The following VDR variants were observed in gnomAD, a reference collection of about 807,000 sequenced individuals.
The protein encoded by VDR is vitamin D3 receptor.
In VDR, 19 loss-of-function variants were observed where a neutral mutation model predicts 39.7. That is an observed-to-expected ratio of 0.48 (90% CI 0.33 to 0.70). The LOEUF is 0.70. Among genes scored for constraint, VDR ranks in the 30% least tolerant of loss-of-function variants. The pLI, the probability that VDR is intolerant of heterozygous loss-of-function variation, is 0.02. For synonymous variants in VDR, 242 were observed against 215.8 expected (o/e 1.12, Z -1.07); for missense variants, 442 against 570.5 (o/e 0.77, Z 2.29).
In VDR at chr12:47,891,172, C is replaced by G. The variant is rs139522646; in HGVS notation, c.-83-8398G>C. On this transcript the variant is annotated intron_variant, in intron 1 of 9. Transcript: ENST00000549336. ...CCTTGCCTTTGTCCAGCTACCTGGG[C>G]CAGCCTGATGCCCCTGGCCACCTGA... Among the ~76,000 whole-genome samples the G allele has an allele frequency of 2.0e-5, 3 of 152,300 alleles. No homozygotes were observed. In the East Asian group the frequency reaches 5.8e-4, roughly 29 times the overall value.
At chr12:47,882,148 C>T (rs543098778) in intron 2 of VDR, among the ~76,000 whole-genome samples, 30 of 152,204 alleles carry the variant, frequency 2.0e-4, no homozygotes, top group Non-Finnish European at 3.7e-4. Flanking sequence ...GGGTGGGGTG[C>T]TGCCTTGACA....
At chr12:47,870,611 C>T (rs1234627261) in intron 3 of VDR, among the ~76,000 whole-genome samples, 2 of 152,162 alleles carry the variant, frequency 1.3e-5, no homozygotes, top group African/African-American at 4.8e-5. Flanking sequence ...CTCACAAAAG[C>T]ATCAAGAGCC....
intron 9 of VDR, 21 bp downstream of exon 9, chr12:47,846,311 GCTC>G: frequency 5.0e-6 from 8 of 1,600,272 alleles, no homozygotes; most frequent in Non-Finnish European, 6.8e-6. Context: ...AGGTCCCTGA[GCTC>G]CTCCCTGCCT....
At chr12:47,847,722 G>A (rs986157808) in intron 7 of VDR, among the ~76,000 whole-genome samples, 3 of 151,736 alleles carry the variant, frequency 2.0e-5, no homozygotes, top group African/African-American at 4.8e-5. Flanking sequence ...ACAAGCATGC[G>A]CCACCATGCT....
At chr12:47,898,963 C>T (rs1946511654) in intron 1 of VDR, among the ~76,000 whole-genome samples, 1 of 152,132 alleles carries the variant, frequency 6.6e-6, no homozygotes, top group South Asian at 2.1e-4. Context: ...TGTGAATGCT[C>T]CACTCTTAAC....
chr12:47,846,850 G>C, intron 7 of VDR, 42 bp from the exon 8 acceptor site: 1 of 1,610,902 alleles, frequency 6.2e-7, no homozygotes, highest in Non-Finnish European at 8.5e-7. Flanking sequence ...ACCAGTAAAC[G>C]CCTTCAAGCC....
chr12:47,902,629 A>G (rs957010236), intron 1 of VDR, among the ~76,000 whole-genome samples: 2 of 152,168 alleles, frequency 1.3e-5, no homozygotes, highest in Admixed American at 6.5e-5. Flanking sequence ...TTATTCAGCA[A>G]CACACCAAAT....
chr12:47,899,468 G>T (rs1946520578), intron 1 of VDR, among the ~76,000 whole-genome samples: 1 of 152,228 alleles, frequency 6.6e-6, no homozygotes. Flanking sequence ...GATTTGGACA[G>T]ATTAAATAAC....
chr12:47,892,778 GGT>G (rs1188801355), intron 1 of VDR, among the ~76,000 whole-genome samples: 1 of 152,210 alleles, frequency 6.6e-6, no homozygotes, highest in Non-Finnish European at 1.5e-5. Context: ...CTACGATCCA[GGT>G]AAGTGCCAGG....
intron 2 of VDR, among the ~76,000 whole-genome samples, chr12:47,882,281 G>A (rs1321622049): frequency 1.3e-5 from 2 of 152,120 alleles, no homozygotes; most frequent in Non-Finnish European, 2.9e-5. Context: ...GAGGTTATTT[G>A]CTGCTATCAA....
rs1455063289 is a variant in VDR at position 47,882,733 on chromosome 12, C to T, written c.-42G>A. On this transcript the variant is annotated 5_prime_UTR_variant, in exon 2 of 10. Coordinates refer to ENST00000549336, the MANE Select transcript of VDR (RefSeq NM_000376.3). The stretch of plus-strand genomic sequence containing the variant: ...GGCAGGTAAGTGGAGCCCAGGGGTG[C>T]TCTTCTGTGAGGTCTCACAGACACT... 8.1e-6 allele frequency: 12 copies of T among 1,474,430 alleles called. No homozygotes were observed. Among genetic ancestry groups the T allele is most frequent in the Non-Finnish European group, 1.1e-5 (12 of 1,110,794 alleles). 91.3% of individuals were successfully genotyped at this position (1,474,430 alleles called of 1,614,324 possible).
At chr12:47,855,364 A>T (rs1372247150) in intron 7 of VDR, among the ~76,000 whole-genome samples, 3 of 151,358 alleles carry the variant, frequency 2.0e-5, no homozygotes, top group African/African-American at 7.3e-5. Flanking sequence ...ATAAATAAAT[A>T]AATAAATTAG....
At chr12:47,869,111 T>C in intron 3 of VDR, among the ~76,000 whole-genome samples, 1 of 152,238 alleles carries the variant, frequency 6.6e-6, no homozygotes, top group Non-Finnish European at 1.5e-5. Flanking sequence ...GAGATTCCAC[T>C]GCTTCGCCAT....
intron 1 of VDR, chr12:47,904,607 CCTT>C: frequency 6.5e-7 from 1 of 1,536,020 alleles, no homozygotes; most frequent in Non-Finnish European, 8.7e-7. Context: ...GCCAATCGCT[CCTT>C]TTCTTATTCC....
At position 47,843,864 on chromosome 12, in the gene VDR, G is replaced by C. The variant is rs546175308; in HGVS notation, c.*882C>G. 1 of 152,188 alleles carries C rather than the reference G, an allele frequency of 6.6e-6. No individual in the cohort carries two copies. Among genetic ancestry groups the C allele is most frequent in the Admixed American group, 6.5e-5 (1 of 15,274 alleles). The allele number at this position is 152,188 out of a possible 1,614,324, so 9.4% of individuals were successfully genotyped here. ...TCTCCAGACCCTCTCCCCTGGGGAG[G>C]GGGTGGGGGAGCAGGCTCTCGGCTA... On this transcript the variant is annotated 3_prime_UTR_variant, in exon 10 of 10. Transcript: ENST00000549336.
chr12:47,848,605 T>C (rs577485806), intron 7 of VDR, among the ~76,000 whole-genome samples: 97 of 132,916 alleles, frequency 7.3e-4, no homozygotes, highest in African/African-American at 2.8e-3. Context: ...CTTGCTCTGT[T>C]GCCCAGGCTG....
At chr12:47,871,323 T>TTTCTTTCTTTCTTTCC (rs1565622731) in intron 3 of VDR, among the ~76,000 whole-genome samples, 10 of 143,596 alleles carry the variant, frequency 7.0e-5, no homozygotes, top group African/African-American at 2.3e-4. Context: ...TCTTTCTTTC[T>TTTCTTTCTTTCTTTCC]TTCTTTCTTT....
intron 2 of VDR, among the ~76,000 whole-genome samples, chr12:47,880,702 T>C (rs1408848027): frequency 6.6e-6 from 1 of 152,044 alleles, no homozygotes; most frequent in Non-Finnish European, 1.5e-5. Flanking sequence ...AAAGTAATTG[T>C]GGTTTTGGCC....
At position 47,896,314 on chromosome 12, in the gene VDR, G is replaced by A. The variant is rs559460367; in HGVS notation, c.-84+8641C>T. ...TTTGAAGATGATTTAATGACACAAA[G>A]CAATTGCCCTTCAACCCTCCTTTCT... On this transcript the variant is annotated intron_variant, in intron 1 of 9. Coordinates refer to ENST00000549336, the MANE Select transcript of VDR (RefSeq NM_000376.3). Among the ~76,000 whole-genome samples the A allele has an allele frequency of 2.6e-5, 4 of 152,322 alleles. 1 individual carries two copies. In the South Asian group the frequency reaches 6.2e-4, roughly 24 times the overall value.
Sources: gnomAD v4.1 joint callset for allele counts (sites outside exome capture counted in the v4.1 genomes callset) on GRCh38, gnomAD v4.1.1 for gene constraint, MANE v1.5 for transcripts, NCBI Gene and HGNC (gene_info 2026-07-23, HGNC 2026-07-21) for gene names.